Variants in SHISA9 observed in about 807,000 individuals in gnomAD.
SHISA9 encodes shisa family member 9, also known as protein shisa-9.
SHISA9 carries 13 observed loss-of-function variants against 38.0 expected under a neutral mutation model. That is an observed-to-expected ratio of 0.34 (90% CI 0.22 to 0.54). The LOEUF (loss-of-function observed/expected upper bound fraction) is 0.54, where lower values mean the gene tolerates loss of function less well. Ranked by LOEUF, SHISA9 falls within the 20% of genes least tolerant of loss-of-function variation. The pLI, the probability that SHISA9 is intolerant of heterozygous loss-of-function variation, is 0.91. For synonymous variants in SHISA9, 275 were observed against 242.0 expected, an observed-to-expected ratio of 1.14 and a Z score of -1.27; for missense variants, 538 against 575.8, an observed-to-expected ratio of 0.93 and a Z score of 0.67.
At chr16:12,970,519 TTTTTTTTTTG>T (rs2072066939) in intron 2 of SHISA9, among the ~76,000 whole-genome samples, 1 of 73,608 alleles carries the variant, frequency 1.4e-5, no homozygotes. Context: ...TTTTTTTTTT[TTTTTTTTTTG>T]AGACCAAGTC....
chr16:13,379,466 C>G, the SHISA9 span, among the ~76,000 whole-genome samples: 12 of 152,336 alleles, frequency 7.9e-5, no homozygotes, highest in Admixed American at 5.9e-4. Context: ...CTTCCCTCCT[C>G]CTGCTCCAGC....
chr16:13,362,559 G>T, the SHISA9 span, among the ~76,000 whole-genome samples: 1 of 152,240 alleles, frequency 6.6e-6, no homozygotes, highest in African/African-American at 2.4e-5. Flanking sequence ...GAAGCAGGGA[G>T]TGGAGAAGAG....
the SHISA9 span, among the ~76,000 whole-genome samples, chr16:13,357,990 C>G: frequency 6.6e-6 from 1 of 151,234 alleles, no homozygotes; most frequent in African/African-American, 2.5e-5. Flanking sequence ...TTACTTCAGG[C>G]CATCTGGGCG....
the SHISA9 span, among the ~76,000 whole-genome samples, chr16:13,309,346 TA>T: frequency 6.6e-6 from 1 of 151,930 alleles, no homozygotes. Flanking sequence ...CCCTGGAACT[TA>T]AAATAAAAGT....
intron 2 of SHISA9, among the ~76,000 whole-genome samples, chr16:13,156,940 G>A (rs543506096): frequency 2.6e-5 from 4 of 152,126 alleles, no homozygotes; most frequent in Admixed American, 2.6e-4. Flanking sequence ...CACATTTACT[G>A]AGTGTTTTTT....
At chr16:13,296,453 C>G in the SHISA9 span, among the ~76,000 whole-genome samples, 3 of 151,844 alleles carry the variant, frequency 2.0e-5, no homozygotes, top group Admixed American at 2.0e-4. Flanking sequence ...CCCTTCCTCA[C>G]TGTGTCCGAG....
chr16:12,916,771 A>G lies in SHISA9; in HGVS notation c.647A>G (p.Gln216Arg). The G allele has an allele frequency of 3.9e-6, 6 of 1,552,054 alleles. No homozygotes were observed. The highest frequency in any genetic ancestry group is 5.2e-6 in the Non-Finnish European group (6 of 1,147,068). The change falls in exon 2 of 5, where the codon CAG becomes CGG. Residue 216 changes from glutamine (Q) to arginine (R), a missense_variant. Physicochemically the swap from Gln to Arg is conservative, Grantham distance 43 (BLOSUM62 1). Around this residue, in one of 4 missense-constraint regions of SHISA9, gnomAD observed 326 missense variants for 305.9 expected, o/e 1.07. Transcript: ENST00000558583. ...ERDLNIVVHV[Q>R]HYENMDTRTP... is the part of the protein sequence containing the mutation. ...GACCTAAACATCGTTGTCCACGTCCAGCATTATGAGAACATGGACACGAGA... is the reference window on the plus strand; with the variant it reads ...GACCTAAACATCGTTGTCCACGTCCGGCATTATGAGAACATGGACACGAGA...
chr16:13,354,996 A>G, the SHISA9 span, among the ~76,000 whole-genome samples: 1 of 149,944 alleles, frequency 6.7e-6, no homozygotes, highest in Non-Finnish European at 1.5e-5. Flanking sequence ...TCCAAGTGAA[A>G]GCGAAGAGAG....
intron 2 of SHISA9, among the ~76,000 whole-genome samples, chr16:13,189,359 C>T (rs1596715030): frequency 6.6e-6 from 1 of 152,136 alleles, no homozygotes; most frequent in African/African-American, 2.4e-5. Context: ...CTGATATGTG[C>T]TAGGGGCAGC....
At chr16:13,168,769 A>G (rs932497551) in intron 2 of SHISA9, among the ~76,000 whole-genome samples, 3 of 152,206 alleles carry the variant, frequency 2.0e-5, no homozygotes, top group African/African-American at 7.2e-5. Context: ...TCGGAAGTGC[A>G]TTATTCACGT....
intron 2 of SHISA9, among the ~76,000 whole-genome samples, chr16:12,922,663 G>A (rs144864538): frequency 3.7e-4 from 56 of 152,300 alleles, no homozygotes; most frequent in Non-Finnish European, 6.8e-4. Flanking sequence ...GGGATTACAG[G>A]CAGATGCCAC....
At chr16:13,184,586 G>A (rs966464689) in intron 2 of SHISA9, among the ~76,000 whole-genome samples, 2 of 152,150 alleles carry the variant, frequency 1.3e-5, no homozygotes, top group Non-Finnish European at 2.9e-5. Context: ...AAGTAGTTTT[G>A]TTCCCCCACC....
intron 4 of SHISA9, among the ~76,000 whole-genome samples, chr16:13,215,611 T>C (rs1457901587): frequency 6.6e-6 from 1 of 152,226 alleles, no homozygotes. Context: ...CATCCTTTTG[T>C]TGTCAGATGC....
At chr16:12,929,307 A>G (rs1199101864) in intron 2 of SHISA9, among the ~76,000 whole-genome samples, 7 of 152,214 alleles carry the variant, frequency 4.6e-5, no homozygotes, top group Non-Finnish European at 1.0e-4. Flanking sequence ...CCAAAGGAAT[A>G]TAAATCATTC....
At chr16:12,988,628 G>A (rs530023353) in intron 2 of SHISA9, among the ~76,000 whole-genome samples, 10 of 152,156 alleles carry the variant, frequency 6.6e-5, no homozygotes, top group African/African-American at 1.9e-4. Context: ...CAGTTCAACC[G>A]ATTCTCCTCC....
chr16:13,177,772 C>T (rs914110088), intron 2 of SHISA9, among the ~76,000 whole-genome samples: 3 of 152,092 alleles, frequency 2.0e-5, no homozygotes, highest in Non-Finnish European at 2.9e-5. Context: ...TGTGTTCAAG[C>T]GATTCTCCTG....
At chr16:13,377,011 C>T in the SHISA9 span, among the ~76,000 whole-genome samples, 2 of 152,102 alleles carry the variant, frequency 1.3e-5, no homozygotes, top group Non-Finnish European at 2.9e-5. Flanking sequence ...AGACAGATTC[C>T]CTAAAGGAAA....
At chr16:13,271,978 C>G in the SHISA9 span, among the ~76,000 whole-genome samples, 1 of 151,744 alleles carries the variant, frequency 6.6e-6, no homozygotes, top group Admixed American at 6.6e-5. Context: ...ACTTCGGAAG[C>G]TGAGGCAGGA....
rs144983560 is a variant in SHISA9, at chr16:13,028,665, G to T, written c.691+111850G>T. On this transcript the variant is annotated intron_variant, in intron 2 of 4. Transcript: ENST00000558583. ...CAATTCAAGATGAGATTTGGGTGGG[G>T]ACACAGCCAAACCATATCAAAAGCC... 7.8e-4 allele frequency among the ~76,000 whole-genome samples: 119 copies of T among 152,266 alleles called. 1 individual carries two copies. The East Asian group carries it at 0.016, about 21-fold the overall frequency.
Sources: allele counts gnomAD v4.1 joint callset (sites outside exome capture counted in the v4.1 genomes callset), GRCh38; gene constraint gnomAD v4.1.1; regional missense constraint gnomAD v4.1.1; transcripts MANE v1.5; gene names NCBI Gene and HGNC (gene_info 2026-07-23, HGNC 2026-07-21).